The following MITF variants were observed in gnomAD, a reference collection of about 807,000 sequenced individuals.
MITF encodes the protein microphthalmia-associated transcription factor.
A neutral mutation model predicts 60.5 loss-of-function variants in MITF; 17 were observed. The ratio of observed to expected loss-of-function variants is 0.28; its 90% CI spans 0.19 to 0.42. The LOEUF (loss-of-function observed/expected upper bound fraction) is 0.42, where lower values mean the gene tolerates loss of function less well. Ranked by LOEUF, MITF falls within the 10% of genes least tolerant of loss-of-function variation. The pLI, the probability that MITF is intolerant of heterozygous loss-of-function variation, is 1.00. For synonymous variants in MITF, 260 were observed against 248.5 expected, an observed-to-expected ratio of 1.05 and a Z score of -0.43; for missense variants, 622 against 683.5, an observed-to-expected ratio of 0.91 and a Z score of 1.00.
intron 1 of MITF, among the ~76,000 whole-genome samples, chr3:69,861,500 A>G (rs944173712): frequency 2.0e-5 from 3 of 152,224 alleles, no homozygotes; most frequent in Non-Finnish European, 2.9e-5. Flanking sequence ...TCTCTGAGGA[A>G]GAAATATAAG....
At chr3:69,956,319 A>C (rs1439795110) in intron 7 of MITF, 136 bp from the exon 8 acceptor site, 1 of 733,014 alleles carries the variant, frequency 1.4e-6, no homozygotes, top group Non-Finnish European at 2.5e-6. Context: ...GAACATAGTA[A>C]AAATAGGGAA....
intron 1 of MITF, among the ~76,000 whole-genome samples, chr3:69,776,329 T>C (rs1252353494): frequency 6.6e-6 from 1 of 152,166 alleles, no homozygotes; most frequent in Non-Finnish European, 1.5e-5. Context: ...AAATGCCTTA[T>C]AGGTAGGGGA....
At chr3:69,776,535 G>T (rs1356498185) in intron 1 of MITF, among the ~76,000 whole-genome samples, 2 of 152,182 alleles carry the variant, frequency 1.3e-5, no homozygotes, top group Non-Finnish European at 2.9e-5. Flanking sequence ...AACTGAGTTA[G>T]TATGTGTCAA....
intron 3 of MITF, 107 bp downstream of exon 3, chr3:69,938,156 A>ATT: frequency 7.7e-7 from 1 of 1,304,752 alleles, no homozygotes; most frequent in African/African-American, 1.5e-5. Context: ...TTGTGGCCAC[A>ATT]TTTACCAGCC....
intron 2 of MITF, among the ~76,000 whole-genome samples, chr3:69,926,558 G>T (rs992265261): frequency 6.6e-6 from 1 of 152,088 alleles, no homozygotes; most frequent in Non-Finnish European, 1.5e-5. Flanking sequence ...GGGCATTTGA[G>T]GGGGGAAATG....
intron 1 of MITF, among the ~76,000 whole-genome samples, chr3:69,743,749 A>T (rs1273806388): frequency 6.6e-6 from 1 of 152,214 alleles, no homozygotes; most frequent in Non-Finnish European, 1.5e-5. Context: ...GTGAGCCCAG[A>T]ATTCACATAG....
At chr3:69,908,730 T>C (rs1163616683) in intron 2 of MITF, among the ~76,000 whole-genome samples, 1 of 152,196 alleles carries the variant, frequency 6.6e-6, no homozygotes, top group Non-Finnish European at 1.5e-5. Flanking sequence ...GTGGTTTTTA[T>C]ATCCTTTTAT....
At chr3:69,816,954 A>T (rs2063191717) in intron 1 of MITF, among the ~76,000 whole-genome samples, 1 of 152,180 alleles carries the variant, frequency 6.6e-6, no homozygotes, top group Admixed American at 6.5e-5. Context: ...CACAAATGTG[A>T]TAGGATCAAG....
chr3:69,936,943 GATTC>G, intron 2 of MITF: 1 of 445,102 alleles, frequency 2.2e-6, no homozygotes, highest in Non-Finnish European at 3.9e-6. Flanking sequence ...ATATTAGTAG[GATTC>G]TTTTTTTTTT....
chr3:69,753,013 G>A (rs1483906423), intron 1 of MITF, among the ~76,000 whole-genome samples: 1 of 152,220 alleles, frequency 6.6e-6, no homozygotes, highest in Non-Finnish European at 1.5e-5. Context: ...ACAACGGGGA[G>A]AAGGCCTCAA....
chr3:69,832,937 GACTGTATGTAGTTGTTTCTCTGTTTGC>G (rs1376916231), intron 1 of MITF, among the ~76,000 whole-genome samples: 3 of 152,090 alleles, frequency 2.0e-5, no homozygotes, highest in East Asian at 3.9e-4. Flanking sequence ...TACCTGGTTA[GACTGTATGTAGTTGTTTCTCTGTTTGC>G]ACTGTATGTG....
At chr3:69,949,951 C>G (rs1341076352) in intron 6 of MITF, among the ~76,000 whole-genome samples, 1 of 152,024 alleles carries the variant, frequency 6.6e-6, no homozygotes, top group East Asian at 1.9e-4. Flanking sequence ...ACAGAGAATT[C>G]CTGTTCCAGT....
intron 2 of MITF, among the ~76,000 whole-genome samples, chr3:69,903,653 T>C (rs1171413354): frequency 1.3e-5 from 2 of 152,098 alleles, no homozygotes. Context: ...AAAAAAAATA[T>C]CAGCAAGAGG....
chr3:69,907,980 T>C (rs759943106), intron 2 of MITF, among the ~76,000 whole-genome samples: 2 of 152,244 alleles, frequency 1.3e-5, no homozygotes, highest in Non-Finnish European at 2.9e-5. Context: ...TTTAAGAGTT[T>C]CATTTCAAGA....
chr3:69,834,846 CTTT>C (rs71126468), intron 1 of MITF, among the ~76,000 whole-genome samples: 1 of 129,628 alleles, frequency 7.7e-6, no homozygotes, highest in Non-Finnish European at 1.6e-5. Flanking sequence ...GTTTTCTTTT[CTTT>C]TTTTTTTTTT....
At chr3:69,799,362 G>A (rs1461628757) in intron 1 of MITF, among the ~76,000 whole-genome samples, 2 of 152,152 alleles carry the variant, frequency 1.3e-5, no homozygotes, top group African/African-American at 4.8e-5. Flanking sequence ...TTGGAAAGAG[G>A]AAATAACTGG....
At chr3:69,848,407 A>G (rs975131609) in intron 1 of MITF, among the ~76,000 whole-genome samples, 2 of 152,216 alleles carry the variant, frequency 1.3e-5, no homozygotes, top group African/African-American at 4.8e-5. Flanking sequence ...GGTTTTGTGA[A>G]TGTTCTGTCT....
chr3:69,917,023 G>T (rs2065348811), intron 2 of MITF, among the ~76,000 whole-genome samples: 1 of 152,128 alleles, frequency 6.6e-6, no homozygotes, highest in African/African-American at 2.4e-5. Flanking sequence ...GTACATGTTG[G>T]ACACTAAGTG....
chr3:69,816,639 T>A (rs1382496069), intron 1 of MITF, among the ~76,000 whole-genome samples: 1 of 152,234 alleles, frequency 6.6e-6, no homozygotes, highest in African/African-American at 2.4e-5. Flanking sequence ...TGCTAAGTTT[T>A]GATCTTTGGC....
Sources: gnomAD v4.1 joint callset for allele counts (sites outside exome capture counted in the v4.1 genomes callset) on GRCh38, gnomAD v4.1.1 for gene constraint, MANE v1.5 for transcripts, NCBI Gene and HGNC (gene_info 2026-07-23, HGNC 2026-07-21) for gene names.